EEF2K: variants seen among roughly 807,000 people sequenced by gnomAD.
EEF2K encodes alternative protein EEF2K.
A neutral mutation model predicts 93.8 loss-of-function variants in EEF2K; 70 were observed. The ratio of observed to expected loss-of-function variants is 0.75; its 90% confidence interval spans 0.62 to 0.91. The LOEUF is 0.91. Among genes scored for constraint, EEF2K ranks in the 40% least tolerant of loss-of-function variants. The pLI is 0.00. For missense variants in EEF2K, 935 were observed against 972.9 expected (o/e 0.96, Z 0.52); for synonymous variants, 376 against 380.8 (o/e 0.99, Z 0.15).
Position 22,258,519 on chromosome 16 carries a change from GA to G in EEF2K, c.1057del (p.Thr353GlnfsTer10). On this transcript the variant is annotated frameshift_variant, in exon 10 of 18. Transcript: ENST00000263026. LOFTEE classifies it high-confidence loss of function. The stretch of plus-strand genomic sequence containing the variant: ...CAATCAGCCAAGACCATCTTGAGAG[GA>G]ACAGAGGAAAAATGTGGGAGCCCCC... ...LLQSAKTILR[G>X]TEEKCGSPQV... 2 of 1,614,028 alleles carry G rather than the reference GA, an allele frequency of 1.2e-6. No homozygotes were observed. The highest frequency in any genetic ancestry group is 1.7e-6 in the Non-Finnish European group (2 of 1,180,004).
At chr16:22,226,073 A>G in intron 2 of EEF2K, 98 bp downstream of exon 2, 1 of 1,523,440 alleles carries the variant, frequency 6.6e-7, no homozygotes, top group Non-Finnish European at 8.9e-7. Context: ...GTATTTCCAA[A>G]CCCTGGACAG....
chr16:22,257,651 G>A lies in EEF2K; in HGVS notation c.910G>A (p.Gly304Arg), dbSNP rs2047418014. Residue 304 changes from glycine (G) to arginine (R), a missense_variant, in exon 9 of 18, where the codon GGG becomes AGG. Physicochemically the swap from Gly to Arg is moderately radical, Grantham distance 125 (BLOSUM62 -2). Transcript: ENST00000263026. ...CCCCGCTCTGTCCACAGGTGTCCGC[G>A]GGATGGCGCTCTTCTTCTACTCTCA... The part of the protein sequence containing the change: ...DFGDGNLGVR[G>R]MALFFYSHAC... 5 of 1,613,154 alleles carry A rather than the reference G, an allele frequency of 3.1e-6. No homozygotes were observed. The highest frequency in any genetic ancestry group is 2.2e-5 in the East Asian group (1 of 44,890).
intron 2 of EEF2K, among the ~76,000 whole-genome samples, chr16:22,240,935 A>G (rs1003177515): frequency 4.6e-5 from 7 of 151,268 alleles, no homozygotes; most frequent in Non-Finnish European, 7.4e-5. Context: ...ATGCCCGGCT[A>G]ATTTTTGTAT....
In EEF2K at chr16:22,256,752, A is replaced by C. The variant is rs1441665011; in HGVS notation, c.623A>C (p.Asp208Ala). 1.9e-6 allele frequency: 3 copies of C among 1,613,786 alleles called. No homozygotes were observed. Among genetic ancestry groups the C allele is most frequent in the Non-Finnish European group, 2.5e-6 (3 of 1,179,914 alleles). Residue 208 changes from aspartate (D) to alanine (A), a missense_variant, in exon 7 of 18, where the codon GAC (aspartate) becomes GCC (alanine). Physicochemically the swap from Asp to Ala is moderately radical, Grantham distance 126. Coordinates refer to ENST00000263026, the MANE Select transcript of EEF2K (RefSeq NM_013302.5). ...YNRHKPPKQV[D>A]IMQMCIIELK... ...GCCCACTCCCCATCCCACCAGGTGG[A>C]CATCATGCAGATGTGCATCATCGAG...
chr16:22,265,167 T>C (rs1038555700), intron 13 of EEF2K: 4 of 314,552 alleles, frequency 1.3e-5, no homozygotes, highest in Non-Finnish European at 1.8e-5. Flanking sequence ...TGAAGGCACT[T>C]CGCAGTAATC....
In EEF2K at chr16:22,250,730, GT is replaced by G. The variant is rs775205240; in HGVS notation, c.446+40del. ...CCTGGCTCTTGGGGCCCTGCCCAGA[GT>G]CCCCCCAGGCTCCTAAGAGCTGAGG... is the stretch of plus-strand genomic sequence containing the variant. On this transcript the variant is annotated intron_variant, in intron 5 of 17. Transcript: ENST00000263026. 7.2e-5 allele frequency: 116 copies of G among 1,613,704 alleles called. 1 individual carries two copies. In the South Asian group the frequency reaches 1.3e-3, roughly 18 times the overall value.
chr16:22,227,034 A>T (rs192846810), intron 2 of EEF2K, among the ~76,000 whole-genome samples: 9 of 152,238 alleles, frequency 5.9e-5, no homozygotes, highest in Non-Finnish European at 1.3e-4. Flanking sequence ...CTCCATCTCT[A>T]CTAAAATACA....
chr16:22,273,206 C>T (rs1439235361), intron 15 of EEF2K, among the ~76,000 whole-genome samples: 1 of 152,202 alleles, frequency 6.6e-6, no homozygotes, highest in Non-Finnish European at 1.5e-5. Flanking sequence ...AGATTAGCAG[C>T]TTAGGGCAGT....
At chr16:22,226,319 G>A (rs1206209884) in intron 2 of EEF2K, among the ~76,000 whole-genome samples, 1 of 135,656 alleles carries the variant, frequency 7.4e-6, no homozygotes, top group Non-Finnish European at 1.5e-5. Context: ...GTGCAGAGGT[G>A]CTGTTCTTTT....
intron 1 of EEF2K, among the ~76,000 whole-genome samples, chr16:22,220,502 GCA>G (rs931609123): frequency 6.6e-6 from 1 of 152,030 alleles, no homozygotes; most frequent in African/African-American, 2.4e-5. Flanking sequence ...CCAGGCAGTG[GCA>G]CAATCTCAAT....
Position 22,272,668 on chromosome 16 carries a change from CT to C in EEF2K, c.1765-943del, listed in dbSNP as rs34054772. 2.5e-3 allele frequency among the ~76,000 whole-genome samples: 356 copies of C among 142,964 alleles called. 2 individuals carry two copies. The highest frequency in any genetic ancestry group is 4.1e-3 in the East Asian group (20 of 4,910). The allele number at this position is 142,964 out of a possible 152,430, so 93.8% of individuals were successfully genotyped here. ...ATATACTAAAAACTACGGATGTGTA[CT>C]TTTTTTTTTTTTTTGAGACGGTGTC... On this transcript the variant is annotated intron_variant, in intron 15 of 17. Coordinates refer to ENST00000263026, the MANE Select transcript of EEF2K (RefSeq NM_013302.5).
intron 10 of EEF2K, chr16:22,258,941 C>A: frequency 4.7e-6 from 2 of 423,546 alleles, no homozygotes; most frequent in Non-Finnish European, 8.2e-6. Flanking sequence ...CCAGCAAAAC[C>A]TATATAATAA....
At chr16:22,242,701 G>T (rs1371013436) in intron 2 of EEF2K, among the ~76,000 whole-genome samples, 1 of 152,022 alleles carries the variant, frequency 6.6e-6, no homozygotes, top group Admixed American at 6.6e-5. Flanking sequence ...GTTAGGGAAG[G>T]CCGGGAATGC....
chr16:22,230,195 G>A (rs1306775244), intron 2 of EEF2K, among the ~76,000 whole-genome samples: 1 of 152,062 alleles, frequency 6.6e-6, no homozygotes, highest in Non-Finnish European at 1.5e-5. Flanking sequence ...GTTTACGTTA[G>A]AACAAAGTGA....
chr16:22,260,151 G>A (rs1041953323), intron 10 of EEF2K, among the ~76,000 whole-genome samples: 1 of 152,174 alleles, frequency 6.6e-6, no homozygotes, highest in African/African-American at 2.4e-5. Flanking sequence ...GGACCAAGTG[G>A]TGGCCAGGCA....
At chr16:22,248,058 TTTTTA>T in intron 3 of EEF2K, among the ~76,000 whole-genome samples, 1 of 151,950 alleles carries the variant, frequency 6.6e-6, no homozygotes, top group South Asian at 2.1e-4. Context: ...TTTATTTTTA[TTTTTA>T]TTTTTATTTT....
chr16:22,267,074 C>G (rs2047531995), intron 15 of EEF2K, among the ~76,000 whole-genome samples, 198 bp downstream of exon 15: 1 of 152,152 alleles, frequency 6.6e-6, no homozygotes, highest in South Asian at 2.1e-4. Context: ...CGATCTCTGT[C>G]TTTGGAGAGG....
intron 1 of EEF2K, among the ~76,000 whole-genome samples, chr16:22,214,115 G>T (rs919238990): frequency 3.3e-5 from 5 of 152,146 alleles, no homozygotes; most frequent in Non-Finnish European, 7.3e-5. Context: ...GGATTATTGG[G>T]ACATAACAGC....
At position 22,251,307 on chromosome 16, in the gene EEF2K, C is replaced by T; in HGVS notation, c.603C>T (p.His201=). Residue 201 remains histidine (H), a synonymous_variant, in exon 6 of 18, where the codon CAC becomes CAT. Transcript: ENST00000263026. ...TCTGGGGGGAGGAGTATAATCGGCACAAGCCCCCCAAGCAGGTGCGTGGCC... is the reference window on the plus strand; with the variant it reads ...TCTGGGGGGAGGAGTATAATCGGCATAAGCCCCCCAAGCAGGTGCGTGGCC... ...AKLWGEEYNR[H]KPPKQVDIMQ... 1 of 1,614,020 alleles carries T rather than the reference C, an allele frequency of 6.2e-7. No homozygotes were observed. The highest frequency in any genetic ancestry group is 8.5e-7 in the Non-Finnish European group (1 of 1,179,942).
Sources: allele counts gnomAD v4.1 joint callset (sites outside exome capture counted in the v4.1 genomes callset), GRCh38; gene constraint gnomAD v4.1.1; transcripts MANE v1.5; gene names NCBI Gene and HGNC (gene_info 2026-07-23, HGNC 2026-07-21).